The following NCAM1 variants were observed in gnomAD, a reference collection of about 807,000 sequenced individuals.
The protein encoded by NCAM1 is antigen recognized by monoclonal antibody 5.1H11.
In NCAM1, 14 loss-of-function variants were observed where a neutral mutation model predicts 109.8. That is an observed-to-expected ratio of 0.13 (90% CI 0.08 to 0.20). NCAM1 has a LOEUF of 0.20. Among genes scored for constraint, NCAM1 ranks in the 10% least tolerant of loss-of-function variants. The pLI is 1.00. For missense variants in NCAM1, 774 were observed against 1,109.9 expected, an observed-to-expected ratio of 0.70 and a Z score of 4.30; for synonymous variants, 418 against 442.9, an observed-to-expected ratio of 0.94 and a Z score of 0.70.
intron 1 of NCAM1, among the ~76,000 whole-genome samples, chr11:112,998,870 G>A (rs1020938625): frequency 2.6e-5 from 4 of 152,084 alleles, no homozygotes; most frequent in East Asian, 1.9e-4. Context: ...TGAACTTTTG[G>A]ATTCTGCCAA....
At chr11:113,222,243 T>C (rs1238867980) in intron 9 of NCAM1, among the ~76,000 whole-genome samples, 1 of 152,264 alleles carries the variant, frequency 6.6e-6, no homozygotes, top group Non-Finnish European at 1.5e-5. Flanking sequence ...CAGAACATCA[T>C]GATCCTATAG....
chr11:113,088,509 C>T (rs1334585484), intron 1 of NCAM1, among the ~76,000 whole-genome samples: 2 of 148,344 alleles, frequency 1.3e-5, no homozygotes, highest in African/African-American at 5.1e-5. Context: ...CCCCGCTGCC[C>T]CTGCCCCACT....
At chr11:113,134,808 G>A (rs1019714361) in intron 1 of NCAM1, among the ~76,000 whole-genome samples, 6 of 152,170 alleles carry the variant, frequency 3.9e-5, no homozygotes, top group Non-Finnish European at 8.8e-5. Flanking sequence ...TAAATGATGT[G>A]AGCTCAAGAT....
At chr11:112,993,581 C>G (rs537907715) in intron 1 of NCAM1, among the ~76,000 whole-genome samples, 1 of 152,286 alleles carries the variant, frequency 6.6e-6, no homozygotes, top group South Asian at 2.1e-4. Context: ...CTCCCTTCAG[C>G]TCTCCTTTTT....
chr11:112,982,836 G>A (rs563621967), intron 1 of NCAM1, among the ~76,000 whole-genome samples: 1 of 151,932 alleles, frequency 6.6e-6, no homozygotes, highest in Admixed American at 6.6e-5. Context: ...GATTAAAGTG[G>A]ACTGTCTAGG....
intron 19 of NCAM1, 73 bp downstream of exon 19, chr11:113,271,949 C>G: frequency 8.5e-7 from 1 of 1,173,134 alleles, no homozygotes; most frequent in Non-Finnish European, 1.2e-6. Flanking sequence ...CTACCCCCAC[C>G]TCCCGTGCCC....
At chr11:113,179,048 G>C (rs1943253942) in intron 1 of NCAM1, among the ~76,000 whole-genome samples, 1 of 152,104 alleles carries the variant, frequency 6.6e-6, no homozygotes, top group Non-Finnish European at 1.5e-5. Context: ...CTCTGCATTT[G>C]GTAATACCAT....
intron 1 of NCAM1, among the ~76,000 whole-genome samples, chr11:112,973,365 A>C (rs1209446850): frequency 2.0e-5 from 3 of 152,172 alleles, no homozygotes; most frequent in Non-Finnish European, 1.5e-5. Context: ...TACTTTAAGC[A>C]GCCTTAAAGG....
At chr11:113,205,735 A>G in intron 4 of NCAM1, 69 bp downstream of exon 4, 2 of 1,547,452 alleles carry the variant, frequency 1.3e-6, no homozygotes, top group East Asian at 2.3e-5. Flanking sequence ...TTTCACCTGT[A>G]CTGAGGCATT....
intron 1 of NCAM1, among the ~76,000 whole-genome samples, chr11:113,026,967 G>A (rs7949510): frequency 1.3e-5 from 2 of 152,140 alleles, no homozygotes; most frequent in African/African-American, 4.8e-5. Context: ...GTCCCTTGCA[G>A]GCTTGTTCAG....
intron 14 of NCAM1, chr11:113,240,416 T>G: frequency 4.0e-6 from 1 of 247,430 alleles, no homozygotes; most frequent in Non-Finnish European, 7.6e-6. Context: ...TCTCCTTCAC[T>G]GGTTCACCTT....
At chr11:113,079,172 C>T (rs1245115) in intron 1 of NCAM1, among the ~76,000 whole-genome samples, 127,901 of 152,238 alleles carry the variant, frequency 0.84, 54,235 homozygotes, top group African/African-American at 0.96. Flanking sequence ...TGAAGTTCCA[C>T]GAAATATAAA....
intron 14 of NCAM1, among the ~76,000 whole-genome samples, chr11:113,242,152 T>C (rs1945346248): frequency 1.3e-5 from 2 of 152,214 alleles, no homozygotes; most frequent in Non-Finnish European, 2.9e-5. Flanking sequence ...TTTCAGTGTT[T>C]GTGAAAATTA....
chr11:113,054,731 T>G (rs1184848864), intron 1 of NCAM1, among the ~76,000 whole-genome samples: 1 of 152,144 alleles, frequency 6.6e-6, no homozygotes, highest in Non-Finnish European at 1.5e-5. Context: ...TGATGGAAAG[T>G]CAGAAGTCAT....
At chr11:113,007,532 C>A (rs7118907) in intron 1 of NCAM1, among the ~76,000 whole-genome samples, 69,756 of 152,046 alleles carry the variant, frequency 0.46, 16,845 homozygotes, top group East Asian at 0.8. Flanking sequence ...GCACAAGGTC[C>A]CAAAACTGCC....
At chr11:113,266,551 A>C (rs1555124433) in intron 17 of NCAM1, among the ~76,000 whole-genome samples, 1 of 152,100 alleles carries the variant, frequency 6.6e-6, no homozygotes, top group South Asian at 2.1e-4. Context: ...AGGGGAGGGA[A>C]GACCTAGGAG....
chr11:113,235,046 C>T lies in NCAM1; in HGVS notation c.1707C>T (p.Gly569=). The change falls in exon 14 of 20, where the codon GGC becomes GGT. Residue 569 remains glycine, a synonymous_variant. Coordinates refer to ENST00000316851, the MANE Select transcript of NCAM1 (RefSeq NM_181351.5). ...WYDAKEASME[G]IVTIVGLKPE... ...ATATTATAACAGCCAGCATGGAGGG[C>T]ATCGTCACCATCGTGGGCCTGAAGC... The T allele has an allele frequency of 6.4e-7, 1 of 1,559,684 alleles. No homozygotes were observed. The highest frequency in any genetic ancestry group is 8.7e-7 in the Non-Finnish European group (1 of 1,151,528).
chr11:113,181,041 C>T (rs1943314950), intron 1 of NCAM1, among the ~76,000 whole-genome samples: 1 of 152,208 alleles, frequency 6.6e-6, no homozygotes, highest in Non-Finnish European at 1.5e-5. Flanking sequence ...AAAAATATCC[C>T]TGATCTGAAA....
rs1555122240 is a variant in NCAM1, at chr11:113,255,997, G to A, written c.1949G>A (p.Arg650Gln). 1.9e-6 allele frequency: 3 copies of A among 1,598,356 alleles called. No homozygotes were observed. The highest frequency in any genetic ancestry group is 2.3e-5 in the East Asian group (1 of 43,918). The change falls in exon 16 of 20, where the codon CGA becomes CAA. Residue 650 changes from arginine (R) to glutamine (Q), a missense_variant. Transcript: ENST00000316851. ...ATCAGACACTATCTGGTCAGGTACCGAGCGGTGAGTGGCCTCCTTCTCAGA... is the reference window on the plus strand; with the variant it reads ...ATCAGACACTATCTGGTCAGGTACCAAGCGGTGAGTGGCCTCCTTCTCAGA... ...SPIRHYLVRY[R>Q]ALSSEWKPEI... is the part of the protein sequence containing the mutation.
Sources: gnomAD v4.1 joint callset for allele counts (sites outside exome capture counted in the v4.1 genomes callset) on GRCh38, gnomAD v4.1.1 for gene constraint, MANE v1.5 for transcripts, NCBI Gene and HGNC (gene_info 2026-07-23, HGNC 2026-07-21) for gene names.